Variants in ADARB1 observed in about 807,000 individuals in gnomAD.
The protein encoded by ADARB1 is adenosine deaminase RNA specific B1.
A neutral mutation model predicts 52.4 loss-of-function variants in ADARB1; 10 were observed. That is an observed-to-expected ratio of 0.19 (90% CI 0.12 to 0.32). The LOEUF is 0.32. ADARB1 is among the 10% of genes least tolerant of loss of function. ADARB1 has a pLI of 1.00. For missense variants in ADARB1, 643 were observed against 922.3 expected (o/e 0.70, Z 3.92); for synonymous variants, 349 against 371.1 (o/e 0.94, Z 0.68).
In ADARB1 at chr21:45,223,518, G is replaced by C. The variant is rs563381908; in HGVS notation, c.*1321G>C. 4.0e-5 allele frequency: 39 copies of C among 985,722 alleles called. No individual in the cohort carries two copies. Among genetic ancestry groups the C allele is most frequent in the African/African-American group, 1.0e-4 (6 of 57,378 alleles). The allele number at this position is 985,722 out of a possible 1,614,324, so 61.1% of individuals were successfully genotyped here. A position where few individuals can be genotyped will look rare whatever the true frequency, so the allele number is the denominator to read the frequency against. ...CTCCGCTCAGGATGAAAGAGGAGCT[G>C]AGAGAAGTGCTCTGCCTGCCAGTGC... On this transcript the variant is annotated 3_prime_UTR_variant, in exon 11 of 11. Transcript: ENST00000348831.
chr21:45,190,640 A>G (rs376436954), intron 8 of ADARB1, among the ~76,000 whole-genome samples: 6 of 152,136 alleles, frequency 3.9e-5, no homozygotes, highest in African/African-American at 1.4e-4. Flanking sequence ...AAAATCTAGG[A>G]CCTCTTATGC....
At chr21:45,098,976 C>T (rs1216231452) in intron 1 of ADARB1, among the ~76,000 whole-genome samples, 1 of 152,156 alleles carries the variant, frequency 6.6e-6, no homozygotes, top group Non-Finnish European at 1.5e-5. Context: ...TCCTTCTTCC[C>T]TGTAGAGCAG....
chr21:45,106,457 GC>G (rs2087262321), intron 1 of ADARB1, among the ~76,000 whole-genome samples: 1 of 152,188 alleles, frequency 6.6e-6, no homozygotes, highest in East Asian at 1.9e-4. Context: ...ATGCTGGGAT[GC>G]CTGCACTCCG....
At chr21:45,130,354 A>T (rs1257639028) in intron 2 of ADARB1, among the ~76,000 whole-genome samples, 1 of 152,248 alleles carries the variant, frequency 6.6e-6, no homozygotes, top group Non-Finnish European at 1.5e-5. Flanking sequence ...TAGAAAAAAT[A>T]ATCAGGCCAG....
chr21:45,082,266 C>G (rs753034352), intron 1 of ADARB1, among the ~76,000 whole-genome samples: 2 of 152,164 alleles, frequency 1.3e-5, no homozygotes, highest in Non-Finnish European at 2.9e-5. Context: ...TCTCAACTTA[C>G]GATGAGGTTC....
rs996666464 is a variant in ADARB1, at chr21:45,221,438, A to G, written c.1926+424A>G. On this transcript the variant is annotated intron_variant, in intron 10 of 10. Coordinates refer to ENST00000348831, the MANE Select transcript of ADARB1 (RefSeq NM_001112.4). This position sits in a 1 kb window ranked among gnomAD's most constrained non-coding sequence, Gnocchi z 4.9. ...TTAGCTGTGGGGCCCTTTTTTCCCCAGAATAAAACTTTATATAGTAAGTCA... is the reference window on the plus strand; with the variant it reads ...TTAGCTGTGGGGCCCTTTTTTCCCCGGAATAAAACTTTATATAGTAAGTCA... 3.3e-5 allele frequency among the ~76,000 whole-genome samples: 5 copies of G among 152,290 alleles called. No individual in the cohort carries two copies. The highest frequency in any genetic ancestry group is 7.4e-5 in the Non-Finnish European group (5 of 68,022).
chr21:45,152,431 T>C (rs2090339510), intron 2 of ADARB1, among the ~76,000 whole-genome samples: 1 of 152,220 alleles, frequency 6.6e-6, no homozygotes, highest in Non-Finnish European at 1.5e-5. Flanking sequence ...TTCAGCCTAG[T>C]TCTGCCTAAC....
chr21:45,135,941 C>G (rs745956645), intron 2 of ADARB1, among the ~76,000 whole-genome samples: 11 of 152,092 alleles, frequency 7.2e-5, no homozygotes, highest in African/African-American at 2.4e-5. Context: ...ATGCACAGCC[C>G]CTTTCCAAAG....
chr21:45,142,848 G>A lies in ADARB1; in HGVS notation c.-48+14275G>A, dbSNP rs370117315. Among the ~76,000 whole-genome samples the A allele has an allele frequency of 2.0e-5, 3 of 152,196 alleles. No individual in the cohort carries two copies. Among genetic ancestry groups the A allele is most frequent in the African/African-American group, 7.2e-5 (3 of 41,452 alleles). On this transcript the variant is annotated intron_variant, in intron 2 of 10. Coordinates refer to ENST00000348831, the MANE Select transcript of ADARB1 (RefSeq NM_001112.4). This position sits in a 1 kb window ranked among gnomAD's most constrained non-coding sequence, Gnocchi z 4.0. The stretch of plus-strand genomic sequence containing the variant: ...AATTGCCTACGGCCCTTGGCTAATA[G>A]AAGAGGGAGCAGGGCTTTGACCAGG...
chr21:45,199,232 T>G (rs2092496026), intron 8 of ADARB1, among the ~76,000 whole-genome samples: 1 of 152,214 alleles, frequency 6.6e-6, no homozygotes, highest in Non-Finnish European at 1.5e-5. Context: ...AGAGGTCTCT[T>G]CTGAGTTCAG....
chr21:45,095,193 C>T (rs573598132), intron 1 of ADARB1, among the ~76,000 whole-genome samples: 1 of 152,272 alleles, frequency 6.6e-6, no homozygotes, highest in Non-Finnish European at 1.5e-5. Flanking sequence ...CCTTCTGGCT[C>T]AGTCTTCTGT....
At position 45,172,775 on chromosome 21, in the gene ADARB1, C is replaced by T. The variant is rs919301825; in HGVS notation, c.28+1091C>T. On this transcript the variant is annotated intron_variant, in intron 3 of 10. Transcript: ENST00000348831. The surrounding 1 kb of genome is among the most constrained non-coding windows in gnomAD (Gnocchi z 4.4). ...TGCTACCCAGGAACCACGGGACCAG[C>T]GTGCTCACCTCACTTCCGCTGTTGT... Among the ~76,000 whole-genome samples, 1 of 152,310 alleles carries T rather than the reference C, an allele frequency of 6.6e-6. No homozygotes were observed. The highest frequency in any genetic ancestry group is 6.5e-5 in the Admixed American group (1 of 15,300).
At chr21:45,094,951 C>T (rs1000748405) in intron 1 of ADARB1, among the ~76,000 whole-genome samples, 4 of 152,208 alleles carry the variant, frequency 2.6e-5, no homozygotes, top group African/African-American at 9.6e-5. Context: ...CCTCATTCTG[C>T]TGCCCATGTG....
intron 2 of ADARB1, among the ~76,000 whole-genome samples, chr21:45,159,712 T>TG (rs1241965789): frequency 6.6e-6 from 1 of 152,116 alleles, no homozygotes; most frequent in Non-Finnish European, 1.5e-5. Context: ...CCTCTCCCAT[T>TG]GCCAGCCTCT....
Position 45,225,533 on chromosome 21 carries a change from G to C in ADARB1, c.*3336G>C. ...CTTTGTGAAGACAGTGTCTCTCCTT[G>C]TAATCTCACACAGGTACACTGAGGA... On this transcript the variant is annotated 3_prime_UTR_variant, in exon 11 of 11. Transcript: ENST00000348831. 7.5e-7 allele frequency: 1 copy of C among 1,334,106 alleles called. No individual in the cohort carries two copies. Among genetic ancestry groups the C allele is most frequent in the Non-Finnish European group, 9.7e-7 (1 of 1,030,850 alleles). The allele number at this position is 1,334,106 out of a possible 1,614,324, so 82.6% of individuals were successfully genotyped here.
chr21:45,177,562 G>A (rs1219848884), intron 4 of ADARB1: 1 of 152,156 alleles, frequency 6.6e-6, no homozygotes, highest in Non-Finnish European at 1.5e-5. Flanking sequence ...GAAATCCAAA[G>A]TTCTTCTGGT....
Position 45,204,712 on chromosome 21 carries a change from A to T in ADARB1, c.1723A>T (p.Thr575Ser). The T allele has an allele frequency of 6.2e-7, 1 of 1,613,882 alleles. No homozygotes were observed. The change falls in exon 9 of 11, where the codon ACC (threonine) becomes TCC (serine). Residue 575 changes from threonine to serine, a missense_variant. Transcript: ENST00000348831. This position sits in a 1 kb window ranked among gnomAD's most constrained non-coding sequence, Gnocchi z 4.4. ...SNIEDLPPLY[T>S]LNKPLLSGIS... ...CATAGAGGACCTGCCACCTCTCTAC[A>T]CCCTCAACAAGCCTTTGCTCAGTGG...
At chr21:45,084,127 T>TG (rs965492800) in intron 1 of ADARB1, among the ~76,000 whole-genome samples, 2 of 152,246 alleles carry the variant, frequency 1.3e-5, no homozygotes, top group African/African-American at 2.4e-5. Context: ...TTCATGCCTC[T>TG]GCTGCAGGCT....
intron 1 of ADARB1, among the ~76,000 whole-genome samples, chr21:45,079,755 T>C (rs2086081061): frequency 6.6e-6 from 1 of 152,250 alleles, no homozygotes. Context: ...ATTATTTTTA[T>C]GATTAGTTAT....
Sources: allele counts gnomAD v4.1 joint callset (sites outside exome capture counted in the v4.1 genomes callset), GRCh38; gene constraint gnomAD v4.1.1; non-coding constraint Gnocchi (gnomAD v3.1); transcripts MANE v1.5; gene names NCBI Gene and HGNC (gene_info 2026-07-23, HGNC 2026-07-21).